CFAP44: variants seen among roughly 807,000 people sequenced by gnomAD.
CFAP44 encodes cilia and flagella associated protein 44.
In CFAP44, 134 loss-of-function variants were observed where a neutral mutation model predicts 216.2. The observed-to-expected ratio is 0.62, with a 90% CI of 0.54 to 0.72. The LOEUF is 0.72. CFAP44 is among the 30% of genes least tolerant of loss of function. The pLI, the probability that CFAP44 is intolerant of heterozygous loss-of-function variation, is 0.00. For synonymous variants in CFAP44, 700 were observed against 727.6 expected (o/e 0.96, Z 0.61); for missense variants, 2,035 against 2,182.1 (o/e 0.93, Z 1.34).
In CFAP44 at chr3:113,433,796, C is replaced by T. The variant is rs1219994079; in HGVS notation, c.-5-127G>A. 8.4e-6 allele frequency: 6 copies of T among 717,864 alleles called. No homozygotes were observed. The East Asian group carries it at 1.6e-4, about 19-fold the overall frequency. The allele number at this position is 717,864 out of a possible 1,614,324, so 44.5% of individuals were successfully genotyped here. A position where few individuals can be genotyped will look rare whatever the true frequency, so the allele number is the denominator to read the frequency against. On this transcript the variant is annotated intron_variant, in intron 1 of 34. Coordinates refer to ENST00000393845, the MANE Select transcript of CFAP44 (RefSeq NM_001164496.2). ...CAATAATCCTTGTTTGCACAGGATC[C>T]AGGATGACCCACCAGTAGGAGGGTG...
chr3:113,345,402 T>C (rs949053311), intron 22 of CFAP44, among the ~76,000 whole-genome samples: 20 of 152,148 alleles, frequency 1.3e-4, no homozygotes, highest in African/African-American at 4.3e-4. Context: ...GGTGTATATA[T>C]ATGTGTGTGT....
chr3:113,423,914 G>C (rs960751901), intron 4 of CFAP44, among the ~76,000 whole-genome samples: 1 of 152,156 alleles, frequency 6.6e-6, no homozygotes, highest in Admixed American at 6.5e-5. Context: ...AGAAATAGCC[G>C]AATTGGTTAC....
chr3:113,330,407 C>A lies in CFAP44; in HGVS notation c.3877G>T (p.Gly1293Ter). 1 of 1,537,296 alleles carries A rather than the reference C, an allele frequency of 6.5e-7. No homozygotes were observed. Among genetic ancestry groups the A allele is most frequent in the Non-Finnish European group, 8.7e-7 (1 of 1,146,902 alleles). ...QMKSKDEKSP[G>*]VEQTGSGGPV... The stretch of plus-strand genomic sequence containing the variant: ...CCTCCAGACCCTGTCTGTTCCACTC[C>A]GGGGGACTTTTCATCTTTACTTTTC... The change falls in exon 26 of 35, where the codon GGA (glycine) becomes TGA (stop). Residue 1293 changes from glycine (G) to a stop codon, truncating the protein, a stop_gained. Transcript: ENST00000393845. LOFTEE classifies it high-confidence loss of function.
intron 21 of CFAP44, among the ~76,000 whole-genome samples, chr3:113,361,955 T>C (rs757247431): frequency 4.6e-5 from 7 of 151,946 alleles, no homozygotes; most frequent in Non-Finnish European, 8.8e-5. Flanking sequence ...ACAAGTGTTA[T>C]AAGATTAAAT....
chr3:113,349,277 G>A (rs1397693302), intron 22 of CFAP44, among the ~76,000 whole-genome samples: 2 of 152,186 alleles, frequency 1.3e-5, no homozygotes, highest in Non-Finnish European at 2.9e-5. Context: ...TATCCTAAAA[G>A]ATAAGTTTAT....
chr3:113,369,640 T>A (rs1350262533), intron 18 of CFAP44, among the ~76,000 whole-genome samples: 1 of 152,074 alleles, frequency 6.6e-6, no homozygotes, highest in Non-Finnish European at 1.5e-5. Flanking sequence ...AGACTTAAAA[T>A]CAACACCCTA....
intron 28 of CFAP44, among the ~76,000 whole-genome samples, chr3:113,321,073 AG>A (rs1287578037): frequency 2.6e-5 from 4 of 152,218 alleles, no homozygotes; most frequent in African/African-American, 7.2e-5. Context: ...TGATGAAGAA[AG>A]AAAACTTCAG....
Position 113,346,950 on chromosome 3 carries a change from G to T in CFAP44, c.3066-2238C>A, listed in dbSNP as rs1284432589. 2.0e-5 allele frequency among the ~76,000 whole-genome samples: 3 copies of T among 152,162 alleles called. 1 individual carries two copies. The highest frequency in any genetic ancestry group is 4.4e-5 in the Non-Finnish European group (3 of 68,038). On this transcript the variant is annotated intron_variant, in intron 22 of 34. Coordinates refer to ENST00000393845, the MANE Select transcript of CFAP44 (RefSeq NM_001164496.2). The stretch of plus-strand genomic sequence containing the variant: ...ATGAGCTATAACACTCACCGCGAAG[G>T]CCCGTGGCTTCATTCTTGAAGTCAG...
At chr3:113,408,727 G>T (rs529370935) in intron 7 of CFAP44, among the ~76,000 whole-genome samples, 34 of 152,002 alleles carry the variant, frequency 2.2e-4, no homozygotes, top group African/African-American at 8.0e-4. Context: ...GCCAAGCGTT[G>T]TGGTGGGTGC....
chr3:113,332,770 T>A (rs979594324), intron 25 of CFAP44, among the ~76,000 whole-genome samples: 2 of 152,162 alleles, frequency 1.3e-5, no homozygotes, highest in Admixed American at 6.5e-5. Flanking sequence ...TTTGTGAGCA[T>A]TGAGTTGCCT....
At position 113,291,587 on chromosome 3, in the gene CFAP44, TC is replaced by T. The variant is rs1242754876; in HGVS notation, c.5534del (p.Arg1845GlnfsTer43). On this transcript the variant is annotated frameshift_variant, in exon 35 of 35. Coordinates refer to ENST00000393845, the MANE Select transcript of CFAP44 (RefSeq NM_001164496.2). LOFTEE classifies it low-confidence loss of function (END_TRUNC). ...GGTCTGCGGGCTGTATCTCTTTCTC[TC>T]GTGGAGACTGAATGGGTGGGAGGAT... ...SLILPPIQSP[R>X]EKEIQPADL 6.5e-7 allele frequency: 1 copy of T among 1,537,124 alleles called. No homozygotes were observed. The highest frequency in any genetic ancestry group is 1.4e-5 in the African/African-American group (1 of 73,036).
At chr3:113,441,423 A>G in intron 1 of CFAP44, 30 bp downstream of exon 1, 1 of 985,880 alleles carries the variant, frequency 1.0e-6, no homozygotes, top group Non-Finnish European at 1.2e-6. Context: ...GAGGGTGTGG[A>G]AACTGCCGGC....
At position 113,291,360 on chromosome 3, in the gene CFAP44, G is replaced by C. The variant is rs559050185; in HGVS notation, c.*197C>G. On this transcript the variant is annotated 3_prime_UTR_variant, in exon 35 of 35. Transcript: ENST00000393845. ...TCTAAAATGATTCAGTTTCATAACA[G>C]AGGTTGGGTGCTGCAGTCAGTTCTA... The C allele has an allele frequency of 5.3e-6, 3 of 564,286 alleles. No homozygotes were observed. The highest frequency in any genetic ancestry group is 9.2e-6 in the Non-Finnish European group (3 of 325,478). The allele number at this position is 564,286 out of a possible 1,614,324, so 35.0% of individuals were successfully genotyped here.
intron 34 of CFAP44, among the ~76,000 whole-genome samples, chr3:113,292,182 A>AT (rs2107784098): frequency 6.6e-6 from 1 of 151,850 alleles, no homozygotes; most frequent in African/African-American, 2.4e-5. Flanking sequence ...TCTTTGCCCC[A>AT]TGGACTAGGT....
chr3:113,407,651 A>C (rs541671648), intron 7 of CFAP44, among the ~76,000 whole-genome samples: 1 of 152,358 alleles, frequency 6.6e-6, no homozygotes, highest in African/African-American at 2.4e-5. Flanking sequence ...TTCTTAGAAC[A>C]GTGCCTATCA....
intron 15 of CFAP44, 107 bp from the exon 16 acceptor site, chr3:113,381,167 A>G (rs1372193549): frequency 4.1e-6 from 3 of 739,830 alleles, no homozygotes; most frequent in African/African-American, 3.6e-5. Context: ...AGCCATGTTT[A>G]AAACACACTT....
Position 113,297,990 on chromosome 3 carries a change from G to T in CFAP44, c.5078-1105C>A, listed in dbSNP as rs202163588. ...TATTCTATGTAAGTAATGCCCCACGGACATGTATAATGTGGTGGCCATCTA... is the reference window on the plus strand; with the variant it reads ...TATTCTATGTAAGTAATGCCCCACGTACATGTATAATGTGGTGGCCATCTA... On this transcript the variant is annotated intron_variant, in intron 32 of 34. Coordinates refer to ENST00000393845, the MANE Select transcript of CFAP44 (RefSeq NM_001164496.2). 5.9e-5 allele frequency among the ~76,000 whole-genome samples: 9 copies of T among 152,342 alleles called. No individual in the cohort carries two copies. The East Asian group carries it at 1.5e-3, about 26-fold the overall frequency.
intron 17 of CFAP44, among the ~76,000 whole-genome samples, chr3:113,376,322 C>G (rs942976395): frequency 2.0e-5 from 3 of 152,086 alleles, no homozygotes; most frequent in Admixed American, 1.3e-4. Context: ...TGCCAAGGAG[C>G]ATTGTCAAGT....
intron 2 of CFAP44, among the ~76,000 whole-genome samples, chr3:113,430,192 T>C (rs1295503411): frequency 6.6e-6 from 1 of 151,890 alleles, no homozygotes; most frequent in Non-Finnish European, 1.5e-5. Context: ...AAAAGTCCAA[T>C]ATTTGGAAAT....
Sources: allele counts gnomAD v4.1 joint callset (sites outside exome capture counted in the v4.1 genomes callset), GRCh38; gene constraint gnomAD v4.1.1; transcripts MANE v1.5; gene names NCBI Gene and HGNC (gene_info 2026-07-23, HGNC 2026-07-21).